DGKI: variants seen among roughly 807,000 people sequenced by gnomAD.
The protein encoded by DGKI is DAG kinase iota.
A neutral mutation model predicts 147.5 loss-of-function variants in DGKI; 55 were observed. That is an observed-to-expected ratio of 0.37 (90% CI 0.30 to 0.47). The LOEUF (loss-of-function observed/expected upper bound fraction) is 0.47, where lower values mean the gene tolerates loss of function less well. Ranked by LOEUF, DGKI falls within the 20% of genes least tolerant of loss-of-function variation. DGKI has a pLI of 1.00. For synonymous variants in DGKI, 469 were observed against 477.1 expected, an observed-to-expected ratio of 0.98 and a Z score of 0.22; for missense variants, 1,007 against 1,323.8, an observed-to-expected ratio of 0.76 and a Z score of 3.71.
At chr7:137,799,263 T>G (rs948735037) in intron 1 of DGKI, among the ~76,000 whole-genome samples, 1 of 152,140 alleles carries the variant, frequency 6.6e-6, no homozygotes, top group African/African-American at 2.4e-5. Flanking sequence ...TCACAAAAAC[T>G]TACATTTGCA....
intron 21 of DGKI, among the ~76,000 whole-genome samples, chr7:137,511,044 A>G (rs981081705): frequency 3.9e-5 from 6 of 152,208 alleles, no homozygotes; most frequent in Admixed American, 1.3e-4. Flanking sequence ...AGTGTGAACT[A>G]GGGAAAGCCT....
At position 137,745,455 on chromosome 7, in the gene DGKI, A is replaced by T. The variant is rs146449180; in HGVS notation, c.402-55453T>A. ...TAAATGGAAAATTCCAGAAATAAAC[A>T]GCAAGTTTTCAATTATGCATCACTA... On this transcript the variant is annotated intron_variant, in intron 1 of 32. Coordinates refer to ENST00000614521, the MANE Select transcript of DGKI (RefSeq NM_001321708.2). Among the ~76,000 whole-genome samples, 6 of 152,346 alleles carry T rather than the reference A, an allele frequency of 3.9e-5. No individual in the cohort carries two copies. The East Asian group carries it at 1.2e-3, about 29-fold the overall frequency.
At chr7:137,638,583 T>TGTGTGTATATATATACAC (rs1821474808) in intron 6 of DGKI, among the ~76,000 whole-genome samples, 2 of 84,366 alleles carry the variant, frequency 2.4e-5, no homozygotes, top group Non-Finnish European at 2.3e-5. Flanking sequence ...TATGTATATA[T>TGTGTGTATATATATACAC]ACACATATAT....
chr7:137,688,184 G>C (rs1377207977), intron 2 of DGKI, among the ~76,000 whole-genome samples: 1 of 152,086 alleles, frequency 6.6e-6, no homozygotes, highest in African/African-American at 2.4e-5. Context: ...GTATTTTCGT[G>C]TTGATTTCCT....
intron 19 of DGKI, among the ~76,000 whole-genome samples, chr7:137,555,436 G>A (rs1358094804): frequency 1.3e-5 from 2 of 151,936 alleles, no homozygotes; most frequent in East Asian, 2.0e-4. Context: ...TTAGGGAGGA[G>A]GAGCTTCTGA....
chr7:137,583,336 C>A (rs1210810696), intron 14 of DGKI, among the ~76,000 whole-genome samples: 1 of 152,168 alleles, frequency 6.6e-6, no homozygotes, highest in Non-Finnish European at 1.5e-5. Flanking sequence ...CCAGTTCCTG[C>A]ACTTAAACAA....
chr7:137,401,696 C>T (rs1309837999), intron 30 of DGKI, among the ~76,000 whole-genome samples: 1 of 152,134 alleles, frequency 6.6e-6, no homozygotes, highest in Non-Finnish European at 1.5e-5. Flanking sequence ...ACTGTTGTTT[C>T]CTCAATAGAA....
intron 1 of DGKI, among the ~76,000 whole-genome samples, chr7:137,833,539 C>T (rs749746692): frequency 6.6e-6 from 1 of 152,172 alleles, no homozygotes; most frequent in Non-Finnish European, 1.5e-5. Context: ...TATGAGAGTA[C>T]AATTCAAGAT....
intron 14 of DGKI, 117 bp from the exon 15 acceptor site, chr7:137,582,045 C>T: frequency 3.0e-6 from 2 of 663,216 alleles, no homozygotes; most frequent in Non-Finnish European, 5.1e-6. Flanking sequence ...AGATCAGCCA[C>T]AACTCAAAGT....
intron 5 of DGKI, among the ~76,000 whole-genome samples, chr7:137,652,150 G>C (rs1822050277): frequency 1.3e-5 from 2 of 152,100 alleles, no homozygotes; most frequent in African/African-American, 4.8e-5. Context: ...GAAATTATTA[G>C]AGTGTGTTTA....
At chr7:137,769,722 T>C (rs1301707060) in intron 1 of DGKI, among the ~76,000 whole-genome samples, 1 of 151,938 alleles carries the variant, frequency 6.6e-6, no homozygotes, top group Non-Finnish European at 1.5e-5. Flanking sequence ...ACATGAAAAA[T>C]AGCTCATCAT....
Position 137,531,404 on chromosome 7 carries a change from C to T in DGKI, c.2148-9438G>A, listed in dbSNP as rs149888960. 2.0e-5 allele frequency among the ~76,000 whole-genome samples: 3 copies of T among 152,098 alleles called. No individual in the cohort carries two copies. The South Asian group carries it at 6.2e-4, about 32-fold the overall frequency. Reference sequence around the variant, plus strand: ...ACACTAACATGAGTTACTTTTAATACCATAGCCTGCAATCAATGGTACTAA... The same window carrying T: ...ACACTAACATGAGTTACTTTTAATATCATAGCCTGCAATCAATGGTACTAA... On this transcript the variant is annotated intron_variant, in intron 20 of 32. Transcript: ENST00000614521.
At chr7:137,465,092 A>G (rs908568749) in intron 26 of DGKI, among the ~76,000 whole-genome samples, 27 of 152,320 alleles carry the variant, frequency 1.8e-4, no homozygotes, top group African/African-American at 6.3e-4. Flanking sequence ...GTGGTAGTTA[A>G]ATGCATGGGC....
intron 12 of DGKI, 85 bp downstream of exon 12, chr7:137,597,762 G>T: frequency 2.4e-6 from 3 of 1,272,486 alleles, no homozygotes; most frequent in South Asian, 2.5e-5. Context: ...TAGAAAGACT[G>T]AGCAACGAAT....
intron 6 of DGKI, among the ~76,000 whole-genome samples, chr7:137,638,474 G>GTATATATA (rs1563125202): frequency 4.7e-5 from 5 of 106,122 alleles, no homozygotes; most frequent in African/African-American, 2.6e-4. Context: ...GTGTATATAT[G>GTATATATA]TGTGTATATA....
chr7:137,522,605 G>A (rs1224093228), intron 20 of DGKI, among the ~76,000 whole-genome samples: 3 of 152,050 alleles, frequency 2.0e-5, no homozygotes, highest in African/African-American at 7.2e-5. Flanking sequence ...AGAATGAAGT[G>A]CGTAACTCAT....
intron 1 of DGKI, among the ~76,000 whole-genome samples, chr7:137,705,694 T>C (rs12707364): frequency 0.33 from 49,604 of 151,988 alleles, 8,877 homozygotes; most frequent in South Asian, 0.49. Context: ...TGCATTTAAA[T>C]ATACCTTAAT....
chr7:137,474,859 C>T (rs760828152), intron 23 of DGKI, among the ~76,000 whole-genome samples: 1 of 152,146 alleles, frequency 6.6e-6, no homozygotes, highest in African/African-American at 2.4e-5. Flanking sequence ...GCGCCCTACC[C>T]GCTACTCGCT....
intron 19 of DGKI, among the ~76,000 whole-genome samples, chr7:137,560,790 T>C (rs1462847716): frequency 6.6e-6 from 1 of 152,128 alleles, no homozygotes; most frequent in Non-Finnish European, 1.5e-5. Flanking sequence ...CTCCAGTAGC[T>C]GAAAAAGACA....
Sources: allele counts gnomAD v4.1 joint callset (sites outside exome capture counted in the v4.1 genomes callset), GRCh38; gene constraint gnomAD v4.1.1; transcripts MANE v1.5; gene names NCBI Gene and HGNC (gene_info 2026-07-23, HGNC 2026-07-21).